The following AGBL3 variants were observed in gnomAD, a reference collection of about 807,000 sequenced individuals.
AGBL3 encodes cytosolic carboxypeptidase 3.
AGBL3 carries 68 observed loss-of-function variants against 94.5 expected under a neutral mutation model. The ratio of observed to expected loss-of-function variants is 0.72; its 90% CI spans 0.59 to 0.88. AGBL3 has a LOEUF of 0.88. Ranked by LOEUF, AGBL3 falls within the 40% of genes least tolerant of loss-of-function variation. AGBL3 has a pLI of 0.00. For synonymous variants in AGBL3, 354 were observed against 370.7 expected (o/e 0.95, Z 0.52); for missense variants, 934 against 1,103.8 (o/e 0.85, Z 2.18).
At chr7:135,083,349 A>G (rs1013793637) in intron 15 of AGBL3, among the ~76,000 whole-genome samples, 1 of 152,192 alleles carries the variant, frequency 6.6e-6, no homozygotes, top group African/African-American at 2.4e-5. Context: ...ATTCCCAGTC[A>G]TCTAACAGGG....
At chr7:135,110,557 A>G (rs1825483164) in intron 15 of AGBL3, among the ~76,000 whole-genome samples, 1 of 151,774 alleles carries the variant, frequency 6.6e-6, no homozygotes, top group Admixed American at 6.6e-5. Flanking sequence ...CCCCATCATC[A>G]CTCACTGACT....
chr7:134,988,955 A>T (rs1164300273), intron 2 of AGBL3, among the ~76,000 whole-genome samples: 1 of 151,916 alleles, frequency 6.6e-6, no homozygotes. Flanking sequence ...TTCTTAATTT[A>T]AATAGTTTTC....
intron 16 of AGBL3, among the ~76,000 whole-genome samples, chr7:135,118,981 A>C (rs1826727269): frequency 6.6e-6 from 1 of 152,198 alleles, no homozygotes; most frequent in Non-Finnish European, 1.5e-5. Flanking sequence ...CATAAGAGAA[A>C]AAATAGGCTT....
chr7:135,111,797 C>G lies in AGBL3; in HGVS notation c.2111-3583C>G, dbSNP rs186725929. On this transcript the variant is annotated intron_variant, in intron 15 of 16. Transcript: ENST00000436302. Reference sequence around the variant, plus strand: ...GTAGTCCATCCTTTGGTCTTTCTCACCACATACTTTATTTCTGAGCACTCT... The same window carrying G: ...GTAGTCCATCCTTTGGTCTTTCTCAGCACATACTTTATTTCTGAGCACTCT... 4.9e-4 allele frequency among the ~76,000 whole-genome samples: 75 copies of G among 152,260 alleles called. 1 individual carries two copies. Among genetic ancestry groups the G allele is most frequent in the African/African-American group, 1.7e-3 (69 of 41,548 alleles).
chr7:135,063,566 G>A (rs185555641), intron 12 of AGBL3, among the ~76,000 whole-genome samples: 71 of 151,696 alleles, frequency 4.7e-4, no homozygotes, highest in Non-Finnish European at 8.5e-4. Flanking sequence ...GTTTTGATAT[G>A]TTGTATTTCC....
chr7:135,132,522 A>G (rs1719432764), intron 16 of AGBL3, among the ~76,000 whole-genome samples: 1 of 152,176 alleles, frequency 6.6e-6, no homozygotes, highest in South Asian at 2.1e-4. Flanking sequence ...CTTACTCAAT[A>G]AAGTCCATTC....
chr7:135,101,094 C>A, intron 15 of AGBL3: 1 of 443,110 alleles, frequency 2.3e-6, no homozygotes, highest in Non-Finnish European at 4.5e-6. Flanking sequence ...CAAAGTATGA[C>A]TCAGAGTCAT....
At chr7:135,061,225 A>AT (rs1282360649) in intron 12 of AGBL3, among the ~76,000 whole-genome samples, 1 of 152,008 alleles carries the variant, frequency 6.6e-6, no homozygotes, top group African/African-American at 2.4e-5. Context: ...GCCTTTGCTC[A>AT]TTTTTTAATC....
chr7:135,009,152 A>G (rs567567750), intron 4 of AGBL3, among the ~76,000 whole-genome samples: 2 of 152,360 alleles, frequency 1.3e-5, no homozygotes, highest in East Asian at 1.9e-4. Context: ...ATGAAAACAT[A>G]TATCCAAACA....
In AGBL3 at chr7:135,036,594, T is replaced by C. The variant is rs148600328; in HGVS notation, c.1338-824T>C. On this transcript the variant is annotated intron_variant, in intron 7 of 16. Coordinates refer to ENST00000436302, the MANE Select transcript of AGBL3 (RefSeq NM_178563.4). ...ATTCCCCATTCTTAATAAGCTTGAA[T>C]ATGAAAAATATAAAAACTTTCCTAG... is the stretch of plus-strand genomic sequence containing the variant. 7.1e-3 allele frequency among the ~76,000 whole-genome samples: 1,076 copies of C among 152,284 alleles called. 15 individuals carry two copies. The highest frequency in any genetic ancestry group is 0.025 in the African/African-American group (1,026 of 41,574).
rs557241413 is a variant in AGBL3 at position 135,102,531 on chromosome 7, G to C, written c.2111-12849G>C. On this transcript the variant is annotated intron_variant, in intron 15 of 16. Transcript: ENST00000436302. ...CACTTACTCATGTTCTCAGTATTAT[G>C]TGGCTATGACAAGCCAGTAGACCAT... is the stretch of plus-strand genomic sequence containing the variant. Among the ~76,000 whole-genome samples, 13 of 152,014 alleles carry C rather than the reference G, an allele frequency of 8.6e-5. No homozygotes were observed. In the South Asian group the frequency reaches 2.7e-3, roughly 32 times the overall value.
chr7:135,053,499 C>T (rs1026892780), intron 11 of AGBL3, among the ~76,000 whole-genome samples: 35 of 152,134 alleles, frequency 2.3e-4, no homozygotes, highest in African/African-American at 8.0e-4. Context: ...CTCAGCTACT[C>T]GGGAGGCTGA....
rs140320284 is a variant in AGBL3, at chr7:134,999,519, C to T, written c.310+5841C>T. 4.6e-3 allele frequency among the ~76,000 whole-genome samples: 704 copies of T among 152,328 alleles called. 3 individuals are homozygous for T. Among genetic ancestry groups the T allele is most frequent in the Non-Finnish European group, 6.9e-3 (469 of 68,032 alleles). Reference sequence around the variant, plus strand: ...TCCATTTATTTCATGGACCCACATGCCCACCTCAAGTAAACACACCAAGTT... The same window carrying T: ...TCCATTTATTTCATGGACCCACATGTCCACCTCAAGTAAACACACCAAGTT... On this transcript the variant is annotated intron_variant, in intron 4 of 16. Coordinates refer to ENST00000436302, the MANE Select transcript of AGBL3 (RefSeq NM_178563.4).
chr7:135,115,666 A>T, intron 16 of AGBL3, 55 bp downstream of exon 16: 1 of 1,353,126 alleles, frequency 7.4e-7, no homozygotes, highest in Non-Finnish European at 1.0e-6. Flanking sequence ...TTTTTAAAAA[A>T]GCAGGGCTTA....
chr7:135,069,207 G>C (rs1275585856), intron 12 of AGBL3, among the ~76,000 whole-genome samples: 1 of 152,106 alleles, frequency 6.6e-6, no homozygotes, highest in Admixed American at 6.5e-5. Context: ...CCCAATACAG[G>C]AGCACCCAGA....
chr7:135,066,643 T>G (rs1375407568), intron 12 of AGBL3, among the ~76,000 whole-genome samples: 1 of 151,984 alleles, frequency 6.6e-6, no homozygotes, highest in African/African-American at 2.4e-5. Flanking sequence ...GAAATCCAGA[T>G]GCTAAAGAGA....
chr7:135,071,649 C>A (rs1819919245), intron 12 of AGBL3, among the ~76,000 whole-genome samples: 1 of 152,118 alleles, frequency 6.6e-6, no homozygotes, highest in African/African-American at 2.4e-5. Context: ...CTGACAAAAA[C>A]AAGAAATGGG....
rs1425285104 is a variant in AGBL3, at chr7:135,112,349, T to A, written c.2111-3031T>A. On this transcript the variant is annotated intron_variant, in intron 15 of 16. Transcript: ENST00000436302. ...CCCTGTTTCATTCAAAACACATTTA[T>A]TTAGCATCTGTCAGTCATGAATTAT... Among the ~76,000 whole-genome samples, 4 of 152,242 alleles carry A rather than the reference T, an allele frequency of 2.6e-5. No individual in the cohort carries two copies. The East Asian group carries it at 5.8e-4, about 22-fold the overall frequency.
chr7:135,116,515 C>A (rs1287725163), intron 16 of AGBL3, among the ~76,000 whole-genome samples: 1 of 152,160 alleles, frequency 6.6e-6, no homozygotes, highest in Non-Finnish European at 1.5e-5. Flanking sequence ...TGACACCAGC[C>A]CAATGGGGAG....
Sources: gnomAD v4.1 joint callset for allele counts (sites outside exome capture counted in the v4.1 genomes callset) on GRCh38, gnomAD v4.1.1 for gene constraint, MANE v1.5 for transcripts, NCBI Gene and HGNC (gene_info 2026-07-23, HGNC 2026-07-21) for gene names.